The following ARIH1 variants were observed in gnomAD, a reference collection of about 807,000 sequenced individuals.
The protein encoded by ARIH1 is E3 ubiquitin-protein ligase ARIH1.
A neutral mutation model predicts 85.0 loss-of-function variants in ARIH1; 8 were observed. That is an observed-to-expected ratio of 0.09 (90% CI 0.06 to 0.17). ARIH1 has a LOEUF of 0.17. Among genes scored for constraint, ARIH1 ranks in the 10% least tolerant of loss-of-function variants. ARIH1 has a pLI of 1.00. For missense variants in ARIH1, 311 were observed against 718.1 expected (o/e 0.43, Z 6.48); for synonymous variants, 238 against 253.6 (o/e 0.94, Z 0.59).
intron 4 of ARIH1, 121 bp downstream of exon 4, chr15:72,555,484 A>T: frequency 1.4e-6 from 1 of 704,030 alleles, no homozygotes; most frequent in Non-Finnish European, 2.4e-6. Flanking sequence ...AGATTCAAAC[A>T]ACTAAAGATA....
rs1226703912 is a variant in ARIH1, at chr15:72,474,561, G to A, written c.-79G>A. On this transcript the variant is annotated 5_prime_UTR_variant, in exon 1 of 14. Transcript: ENST00000379887. ...CTGCGTCCGGACATCAGCCGGAGCC[G>A]GAGCGAGAGCCGGGGCCTCGGCGTC... 3.4e-6 allele frequency: 5 copies of A among 1,456,256 alleles called. No homozygotes were observed. Among genetic ancestry groups the A allele is most frequent in the East Asian group, 6.0e-5 (2 of 33,454 alleles). 90.2% of individuals were successfully genotyped at this position (1,456,256 alleles called of 1,614,324 possible). A position where few individuals can be genotyped will look rare whatever the true frequency, so the allele number is the denominator to read the frequency against.
intron 3 of ARIH1, among the ~76,000 whole-genome samples, chr15:72,547,804 T>C (rs780449307): frequency 3.9e-5 from 6 of 152,204 alleles, no homozygotes; most frequent in Non-Finnish European, 8.8e-5. Context: ...CTTCTTGGCG[T>C]TTTTCCTCCT....
Position 72,595,202 on chromosome 15 carries a change from C to T in ARIH1, c.*11910C>T, listed in dbSNP as rs1422541354. 6.6e-6 allele frequency: 1 copy of T among 152,302 alleles called. No homozygotes were observed. Among genetic ancestry groups the T allele is most frequent in the East Asian group, 1.9e-4 (1 of 5,196 alleles). The allele number at this position is 152,302 out of a possible 1,614,324, so 9.4% of individuals were successfully genotyped here. The stretch of plus-strand genomic sequence containing the variant: ...GTTGTTGCTGTTTTAGAGACAGTCT[C>T]ACTCTTTTGCTCAGGCTGCCAGGCT... On this transcript the variant is annotated 3_prime_UTR_variant, in exon 14 of 14. Transcript: ENST00000379887.
At chr15:72,476,916 T>C (rs1023418255) in intron 1 of ARIH1, among the ~76,000 whole-genome samples, 1 of 152,258 alleles carries the variant, frequency 6.6e-6, no homozygotes. Context: ...AGAACTTATA[T>C]GATTATAGAT....
chr15:72,567,540 A>T (rs2064226517), intron 9 of ARIH1, among the ~76,000 whole-genome samples: 1 of 152,216 alleles, frequency 6.6e-6, no homozygotes, highest in Non-Finnish European at 1.5e-5. Flanking sequence ...TGGTTCTGTT[A>T]GGCTAATTTA....
Position 72,583,464 on chromosome 15 carries a change from A to T in ARIH1, c.*172A>T. ...TTTAAGTAAATTATATTGTAATAAAAAGGTAGATAAACCATTGTACAACAG... is the reference window on the plus strand; with the variant it reads ...TTTAAGTAAATTATATTGTAATAAATAGGTAGATAAACCATTGTACAACAG... On this transcript the variant is annotated 3_prime_UTR_variant, in exon 14 of 14. Transcript: ENST00000379887. The T allele has an allele frequency of 1.9e-6, 1 of 529,452 alleles. No homozygotes were observed. The highest frequency in any genetic ancestry group is 2.8e-5 in the East Asian group (1 of 35,226). The allele number at this position is 529,452 out of a possible 1,614,324, so 32.8% of individuals were successfully genotyped here. A position where few individuals can be genotyped will look rare whatever the true frequency, so the allele number is the denominator to read the frequency against.
At chr15:72,543,836 C>CAAA (rs2064117975) in intron 2 of ARIH1, among the ~76,000 whole-genome samples, 1 of 151,652 alleles carries the variant, frequency 6.6e-6, no homozygotes, top group Non-Finnish European at 1.5e-5. Flanking sequence ...ATTGGTTTTA[C>CAAA]AGATTGAAAA....
chr15:72,492,694 T>G (rs1250459802), intron 1 of ARIH1, among the ~76,000 whole-genome samples: 2 of 152,182 alleles, frequency 1.3e-5, no homozygotes, highest in Non-Finnish European at 2.9e-5. Context: ...TTGTCTGTTT[T>G]TAATAATCAT....
chr15:72,493,547 T>C (rs934578168), intron 1 of ARIH1, among the ~76,000 whole-genome samples: 1 of 152,212 alleles, frequency 6.6e-6, no homozygotes, highest in East Asian at 1.9e-4. Flanking sequence ...CATCTTGATA[T>C]TACTATATTA....
chr15:72,517,795 C>T (rs996547364), intron 1 of ARIH1, among the ~76,000 whole-genome samples: 2 of 151,896 alleles, frequency 1.3e-5, no homozygotes, highest in African/African-American at 2.4e-5. Context: ...ATTAAGACAG[C>T]GCCGGATTTA....
intron 11 of ARIH1, among the ~76,000 whole-genome samples, chr15:72,576,518 A>C (rs888639701): frequency 6.6e-6 from 1 of 151,564 alleles, no homozygotes; most frequent in Non-Finnish European, 1.5e-5. Context: ...AAAAAAAAAA[A>C]AAAAAAAAAA....
intron 2 of ARIH1, among the ~76,000 whole-genome samples, chr15:72,518,658 T>C (rs1033700732): frequency 2.6e-5 from 4 of 151,822 alleles, no homozygotes; most frequent in Admixed American, 2.6e-4. Flanking sequence ...TGTGGTGGCG[T>C]ATGCCTGTAG....
intron 1 of ARIH1, among the ~76,000 whole-genome samples, chr15:72,515,349 A>T (rs551203484): frequency 6.6e-6 from 1 of 152,336 alleles, no homozygotes; most frequent in East Asian, 1.9e-4. Context: ...AAAATAAAAA[A>T]TAAAAATAAA....
rs964176071 is a variant in ARIH1 at position 72,600,257 on chromosome 15, G to C, written c.*16965G>C. On this transcript the variant is annotated 3_prime_UTR_variant, in exon 14 of 14. Coordinates refer to ENST00000379887, the MANE Select transcript of ARIH1 (RefSeq NM_005744.5). ...CCATTTTTTTTGTATGCCCAGCACAGCTATATGATTTGAATAATCTTGATA... is the reference window on the plus strand; with the variant it reads ...CCATTTTTTTTGTATGCCCAGCACACCTATATGATTTGAATAATCTTGATA... 26 of 152,132 alleles carry C rather than the reference G, an allele frequency of 1.7e-4. No individual in the cohort carries two copies. The highest frequency in any genetic ancestry group is 1.5e-5 in the Non-Finnish European group (1 of 68,026). The allele number at this position is 152,132 out of a possible 1,614,324, so 9.4% of individuals were successfully genotyped here.
At chr15:72,523,763 T>A (rs1183775348) in intron 2 of ARIH1, among the ~76,000 whole-genome samples, 1 of 152,018 alleles carries the variant, frequency 6.6e-6, no homozygotes, top group African/African-American at 2.4e-5. Context: ...AGCTGTAGCT[T>A]CTGCATATGT....
chr15:72,517,976 A>G (rs1447390527), intron 1 of ARIH1, 91 bp from the exon 2 acceptor site: 7 of 840,866 alleles, frequency 8.3e-6, no homozygotes, highest in Non-Finnish European at 1.3e-5. Flanking sequence ...TGGGTGGAGT[A>G]TTGTGGAAAT....
rs148254335 is a variant in ARIH1, at chr15:72,503,654, G to A, written c.376-14413G>A. The stretch of plus-strand genomic sequence containing the variant: ...AAATACTGATTGATCAAAGTCAAGA[G>A]CATCCTTTGGTGACAAAATGCTACT... On this transcript the variant is annotated intron_variant, in intron 1 of 13. Transcript: ENST00000379887. 7.2e-5 allele frequency among the ~76,000 whole-genome samples: 11 copies of A among 152,266 alleles called. No homozygotes were observed. In the East Asian group the frequency reaches 2.1e-3, roughly 29 times the overall value.
chr15:72,548,591 A>T (rs549865761), intron 3 of ARIH1, among the ~76,000 whole-genome samples: 6 of 152,222 alleles, frequency 3.9e-5, no homozygotes, highest in Non-Finnish European at 8.8e-5. Context: ...GGAAACTGCT[A>T]AGTGTTCCGA....
intron 3 of ARIH1, among the ~76,000 whole-genome samples, chr15:72,553,122 G>A (rs1296622341): frequency 6.6e-6 from 1 of 152,120 alleles, no homozygotes; most frequent in Non-Finnish European, 1.5e-5. Flanking sequence ...TACTGTTAAA[G>A]TAATTGTTTT....
Sources: gnomAD v4.1 joint callset for allele counts (sites outside exome capture counted in the v4.1 genomes callset) on GRCh38, gnomAD v4.1.1 for gene constraint, MANE v1.5 for transcripts, NCBI Gene and HGNC (gene_info 2026-07-23, HGNC 2026-07-21) for gene names.